ONECUT2: variants seen among roughly 807,000 people sequenced by gnomAD.
ONECUT2 encodes the protein one cut homeobox 2.
A neutral mutation model predicts 27.9 loss-of-function variants in ONECUT2; 10 were observed. The ratio of observed to expected loss-of-function variants is 0.36; its 90% CI spans 0.22 to 0.61. The LOEUF (loss-of-function observed/expected upper bound fraction) is 0.61. Ranked by LOEUF, ONECUT2 falls within the 20% of genes least tolerant of loss-of-function variation. ONECUT2 has a pLI of 0.73. For synonymous variants in ONECUT2, 334 were observed against 315.1 expected (o/e 1.06, Z -0.64); for missense variants, 686 against 721.0 (o/e 0.95, Z 0.56).
At chr18:57,461,783 G>A (rs1448692521) in intron 1 of ONECUT2, among the ~76,000 whole-genome samples, 1 of 152,212 alleles carries the variant, frequency 6.6e-6, no homozygotes, top group African/African-American at 2.4e-5. Context: ...CTTCTGGCCT[G>A]CACTGCATGT....
Position 57,485,075 on chromosome 18 carries a change from A to G in ONECUT2, c.*8352A>G, listed in dbSNP as rs979127941. Reference sequence around the variant, plus strand: ...TAGGAAAAACATGTTGATCCCAATGATGTGATCACTTTTGAACCTTTCCAT... The same window carrying G: ...TAGGAAAAACATGTTGATCCCAATGGTGTGATCACTTTTGAACCTTTCCAT... On this transcript the variant is annotated 3_prime_UTR_variant, in exon 2 of 2. Transcript: ENST00000491143. The G allele has an allele frequency of 6.6e-6, 1 of 152,180 alleles. No individual in the cohort carries two copies. The highest frequency in any genetic ancestry group is 1.5e-5 in the Non-Finnish European group (1 of 68,028). The allele number at this position is 152,180 out of a possible 1,614,324, so 9.4% of individuals were successfully genotyped here. A position where few individuals can be genotyped will look rare whatever the true frequency, so the allele number is the denominator to read the frequency against.
chr18:57,435,774 A>G lies in ONECUT2; in HGVS notation c.58A>G (p.Met20Val), dbSNP rs369785174. 98 of 1,264,038 alleles carry G rather than the reference A, an allele frequency of 7.8e-5. No individual in the cohort carries two copies. In the Middle Eastern group the frequency reaches 1.3e-3, roughly 17 times the overall value. The allele number at this position is 1,264,038 out of a possible 1,614,324, so 78.3% of individuals were successfully genotyped here. A position where few individuals can be genotyped will look rare whatever the true frequency, so the allele number is the denominator to read the frequency against. Residue 20 changes from methionine to valine, a missense_variant, in exon 1 of 2, where the codon ATG becomes GTG. Coordinates refer to ENST00000491143, the MANE Select transcript of ONECUT2 (RefSeq NM_004852.3). The stretch of plus-strand genomic sequence containing the variant: ...CACCAAAGACCTAGAAGGCTGCGCC[A>G]TGAACCCGGAGCTGACAATGGAAAG... Reference protein sequence around the residue: ...CLTKDLEGCAMNPELTMESLG... With the variant: ...CLTKDLEGCAVNPELTMESLG...
chr18:57,471,967 C>T (rs2050356680), intron 1 of ONECUT2, among the ~76,000 whole-genome samples: 1 of 152,144 alleles, frequency 6.6e-6, no homozygotes, highest in Admixed American at 6.5e-5. Context: ...CCTGGCATGC[C>T]CTCCCTGCTT....
In ONECUT2 at chr18:57,480,174, C is replaced by G. The variant is rs1437711579; in HGVS notation, c.*3451C>G. The G allele has an allele frequency of 6.6e-6, 1 of 152,164 alleles. No homozygotes were observed. Among genetic ancestry groups the G allele is most frequent in the Non-Finnish European group, 1.5e-5 (1 of 68,050 alleles). The allele number at this position is 152,164 out of a possible 1,614,324, so 9.4% of individuals were successfully genotyped here. On this transcript the variant is annotated 3_prime_UTR_variant, in exon 2 of 2. Coordinates refer to ENST00000491143, the MANE Select transcript of ONECUT2 (RefSeq NM_004852.3). ...AGGAGCTGTGAGAGAATGTGACTCT[C>G]CACAATTTTTATAATTCATCCTTCC... is the stretch of plus-strand genomic sequence containing the variant.
chr18:57,471,264 G>T (rs751708788), intron 1 of ONECUT2, among the ~76,000 whole-genome samples: 21 of 152,314 alleles, frequency 1.4e-4, no homozygotes, highest in Non-Finnish European at 2.5e-4. Flanking sequence ...TAGTCTGGGT[G>T]TCAGAGGGCA....
At chr18:57,450,015 G>A (rs2050221514) in intron 1 of ONECUT2, among the ~76,000 whole-genome samples, 1 of 152,126 alleles carries the variant, frequency 6.6e-6, no homozygotes, top group Non-Finnish European at 1.5e-5. Context: ...GCTGGTCCAT[G>A]GCTGAACCCA....
chr18:57,441,083 A>G (rs2050171652), intron 1 of ONECUT2, among the ~76,000 whole-genome samples: 1 of 152,254 alleles, frequency 6.6e-6, no homozygotes, highest in Non-Finnish European at 1.5e-5. Context: ...GAACCCGAGC[A>G]GGAGAAGCAG....
At chr18:57,453,896 G>C (rs1198025976) in intron 1 of ONECUT2, among the ~76,000 whole-genome samples, 1 of 152,122 alleles carries the variant, frequency 6.6e-6, no homozygotes, top group African/African-American at 2.4e-5. Flanking sequence ...CACCCACCCT[G>C]CTACTGAGGA....
At chr18:57,474,101 T>C (rs759311709) in intron 1 of ONECUT2, among the ~76,000 whole-genome samples, 3 of 152,164 alleles carry the variant, frequency 2.0e-5, no homozygotes, top group Non-Finnish European at 4.4e-5. Flanking sequence ...GAAGACAATA[T>C]GAATACTTTT....
chr18:57,447,269 C>T (rs1418410136), intron 1 of ONECUT2, among the ~76,000 whole-genome samples: 1 of 152,212 alleles, frequency 6.6e-6, no homozygotes, highest in East Asian at 1.9e-4. Flanking sequence ...CTCCACGCCC[C>T]GGCGCAGGCT....
rs116518604 is a variant in ONECUT2, at chr18:57,451,807, G to C, written c.1228+14863G>C. On this transcript the variant is annotated intron_variant, in intron 1 of 1. Transcript: ENST00000491143. Reference sequence around the variant, plus strand: ...CATGAATCCAAGTATTCCACCCCTGGAAAGCAAGAGGTGAAAGCAAGTTGG... The same window carrying C: ...CATGAATCCAAGTATTCCACCCCTGCAAAGCAAGAGGTGAAAGCAAGTTGG... Among the ~76,000 whole-genome samples, 310 of 152,286 alleles carry C rather than the reference G, an allele frequency of 2.0e-3. 4 individuals carry two copies. Among genetic ancestry groups the C allele is most frequent in the African/African-American group, 7.2e-3 (298 of 41,556 alleles).
chr18:57,446,035 C>G (rs1323548005), intron 1 of ONECUT2, among the ~76,000 whole-genome samples: 4 of 152,150 alleles, frequency 2.6e-5, no homozygotes, highest in Non-Finnish European at 5.9e-5. Flanking sequence ...TGCCATTAAC[C>G]CCGGCCCAAC....
chr18:57,447,929 A>G (rs1228181316), intron 1 of ONECUT2, among the ~76,000 whole-genome samples: 1 of 151,926 alleles, frequency 6.6e-6, no homozygotes, highest in Non-Finnish European at 1.5e-5. Context: ...TCTGTCCCTG[A>G]CCCCCTACGA....
At chr18:57,449,633 T>C (rs1423853629) in intron 1 of ONECUT2, among the ~76,000 whole-genome samples, 2 of 152,218 alleles carry the variant, frequency 1.3e-5, no homozygotes, top group African/African-American at 2.4e-5. Context: ...ATTTTGCCAA[T>C]TGGCTCTAGT....
rs1307607219 is a variant in ONECUT2, at chr18:57,489,362, C to T, written c.*12639C>T. ...AAAATACAAGAGGGAAAAGGAGACC[C>T]CACTATCTCCCTGTGCTTTGCTCCC... On this transcript the variant is annotated 3_prime_UTR_variant, in exon 2 of 2. Transcript: ENST00000491143. The T allele has an allele frequency of 6.6e-6, 1 of 152,170 alleles. No individual in the cohort carries two copies. 9.4% of individuals were successfully genotyped at this position (152,170 alleles called of 1,614,324 possible).
chr18:57,445,971 C>T (rs2050198818), intron 1 of ONECUT2, among the ~76,000 whole-genome samples: 1 of 152,226 alleles, frequency 6.6e-6, no homozygotes, highest in Non-Finnish European at 1.5e-5. Context: ...TAATGTGCTC[C>T]ATTAGAACAG....
intron 1 of ONECUT2, among the ~76,000 whole-genome samples, chr18:57,456,321 A>G (rs1215079825): frequency 6.6e-6 from 1 of 152,242 alleles, no homozygotes; most frequent in Non-Finnish European, 1.5e-5. Context: ...AACAGCCAAA[A>G]GGTGGAAGCA....
Position 57,455,070 on chromosome 18 carries a change from C to T in ONECUT2, c.1228+18126C>T, listed in dbSNP as rs75834652. ...CAGAAAGTTATTTTTATAGACACCC[C>T]GGTGGTCATGAGATTTAAAATGCTA... On this transcript the variant is annotated intron_variant, in intron 1 of 1. Transcript: ENST00000491143. Among the ~76,000 whole-genome samples the T allele has an allele frequency of 5.3e-5, 8 of 152,256 alleles. No individual in the cohort carries two copies. In the South Asian group the frequency reaches 6.2e-4, roughly 12 times the overall value.
intron 1 of ONECUT2, among the ~76,000 whole-genome samples, chr18:57,465,530 AT>A (rs2050316799): frequency 6.6e-6 from 1 of 152,042 alleles, no homozygotes; most frequent in Non-Finnish European, 1.5e-5. Flanking sequence ...CTTCTTAATA[AT>A]TTTCTGTTCC....
Sources: allele counts gnomAD v4.1 joint callset (sites outside exome capture counted in the v4.1 genomes callset), GRCh38; gene constraint gnomAD v4.1.1; transcripts MANE v1.5; gene names NCBI Gene and HGNC (gene_info 2026-07-23, HGNC 2026-07-21).